The following SLC25A21 variants were observed in gnomAD, a reference collection of about 807,000 sequenced individuals.
The protein encoded by SLC25A21 is mitochondrial 2-oxodicarboxylate carrier.
A neutral mutation model predicts 43.8 loss-of-function variants in SLC25A21; 47 were observed. The observed-to-expected ratio is 1.07, with a 90% CI of 0.85 to 1.37. SLC25A21 has a LOEUF of 1.37. Ranked by LOEUF, SLC25A21 falls within the 40% of genes most tolerant of loss-of-function variation. SLC25A21 has a pLI of 0.00. For missense variants in SLC25A21, 352 were observed against 350.2 expected (o/e 1.00, Z -0.04); for synonymous variants, 131 against 121.3 (o/e 1.08, Z -0.52).
intron 3 of SLC25A21, among the ~76,000 whole-genome samples, chr14:36,810,881 A>AAAAG (rs796481898): frequency 2.1e-5 from 2 of 94,696 alleles, no homozygotes; most frequent in South Asian, 3.7e-4. Flanking sequence ...GTAGAGAAAG[A>AAAAG]AAAGAGTGGG....
chr14:37,015,852 C>G (rs1287227879), intron 1 of SLC25A21, among the ~76,000 whole-genome samples: 10 of 152,172 alleles, frequency 6.6e-5, no homozygotes, highest in Admixed American at 3.3e-4. Flanking sequence ...TTTGAGAAGT[C>G]TCTGTTCATC....
chr14:36,817,215 G>GAAA (rs11417899), intron 2 of SLC25A21, among the ~76,000 whole-genome samples: 4 of 150,946 alleles, frequency 2.6e-5, no homozygotes, highest in African/African-American at 9.7e-5. Context: ...AAAGAAATAT[G>GAAA]AAAAAAAAAC....
intron 1 of SLC25A21, among the ~76,000 whole-genome samples, chr14:36,935,542 A>C (rs1028817541): frequency 2.0e-5 from 3 of 152,194 alleles, no homozygotes; most frequent in Non-Finnish European, 2.9e-5. Flanking sequence ...TATCATGACT[A>C]TTTTTAGTGG....
chr14:36,860,004 T>G (rs1350073896), intron 2 of SLC25A21, among the ~76,000 whole-genome samples: 1 of 152,078 alleles, frequency 6.6e-6, no homozygotes, highest in Middle Eastern at 3.4e-3. Flanking sequence ...CATATATATA[T>G]CAATGAAGGA....
intron 1 of SLC25A21, among the ~76,000 whole-genome samples, chr14:36,955,924 G>C (rs1959329084): frequency 6.6e-6 from 1 of 152,068 alleles, no homozygotes; most frequent in Non-Finnish European, 1.5e-5. Flanking sequence ...AATAAACTTG[G>C]TACCAGATAT....
chr14:36,756,392 C>T (rs987126634), intron 3 of SLC25A21, among the ~76,000 whole-genome samples: 2 of 152,194 alleles, frequency 1.3e-5, no homozygotes, highest in African/African-American at 4.8e-5. Context: ...ATTGAAGATG[C>T]AAAGCGAGAA....
chr14:36,912,165 T>C (rs1311025572), intron 1 of SLC25A21, among the ~76,000 whole-genome samples: 1 of 152,240 alleles, frequency 6.6e-6, no homozygotes, highest in Non-Finnish European at 1.5e-5. Context: ...ATCTATTTCA[T>C]TAACTTTGCT....
intron 1 of SLC25A21, among the ~76,000 whole-genome samples, chr14:36,897,774 T>G (rs1891285796): frequency 6.6e-6 from 1 of 152,218 alleles, no homozygotes; most frequent in African/African-American, 2.4e-5. Flanking sequence ...CAGCTGCAGG[T>G]CTGTTGGAGT....
intron 1 of SLC25A21, among the ~76,000 whole-genome samples, chr14:37,158,193 A>G (rs1963882480): frequency 6.6e-6 from 1 of 152,210 alleles, no homozygotes; most frequent in Non-Finnish European, 1.5e-5. Context: ...AAACTATTGC[A>G]AAAAACTGAA....
At chr14:36,887,620 T>A (rs182762704) in intron 1 of SLC25A21, among the ~76,000 whole-genome samples, 13 of 149,314 alleles carry the variant, frequency 8.7e-5, no homozygotes, top group African/African-American at 2.5e-4. Context: ...CATTGGAAGG[T>A]CATTAAAATC....
At chr14:36,906,726 G>A (rs1594683931) in intron 1 of SLC25A21, among the ~76,000 whole-genome samples, 2 of 151,928 alleles carry the variant, frequency 1.3e-5, no homozygotes, top group Admixed American at 1.3e-4. Context: ...GGATGGTCTC[G>A]ATCTCCTGAC....
rs138591759 is a variant in SLC25A21, at chr14:37,114,169, G to C, written c.70+58112C>G. ...TACAATCAACGTGTGATGACAAATG[G>C]TCTCCGGGTTGGGTTTGCATTCCTC... On this transcript the variant is annotated intron_variant, in intron 1 of 9. Coordinates refer to ENST00000331299, the MANE Select transcript of SLC25A21 (RefSeq NM_030631.4). Among the ~76,000 whole-genome samples, 8 of 152,200 alleles carry C rather than the reference G, an allele frequency of 5.3e-5. No homozygotes were observed. In the East Asian group the frequency reaches 1.2e-3, roughly 22 times the overall value.
intron 3 of SLC25A21, among the ~76,000 whole-genome samples, chr14:36,810,400 A>C (rs1888198107): frequency 6.6e-6 from 1 of 152,194 alleles, no homozygotes; most frequent in Admixed American, 6.5e-5. Context: ...AGATCTCAGT[A>C]ATGCTGACAT....
chr14:36,788,126 A>T (rs1434173970), intron 3 of SLC25A21, among the ~76,000 whole-genome samples: 10 of 152,224 alleles, frequency 6.6e-5, no homozygotes, highest in Non-Finnish European at 1.5e-5. Context: ...AAGTCTGGAC[A>T]CATTTACAGC....
chr14:36,804,113 T>C (rs1887957422), intron 3 of SLC25A21, among the ~76,000 whole-genome samples: 1 of 152,168 alleles, frequency 6.6e-6, no homozygotes, highest in South Asian at 2.1e-4. Context: ...TCTGCATTCT[T>C]TGAGTATTGA....
Position 37,032,264 on chromosome 14 carries a change from G to A in SLC25A21, c.70+140017C>T, listed in dbSNP as rs557603108. 5.9e-5 allele frequency among the ~76,000 whole-genome samples: 9 copies of A among 152,172 alleles called. No individual in the cohort carries two copies. In the South Asian group the frequency reaches 6.2e-4, roughly 11 times the overall value. On this transcript the variant is annotated intron_variant, in intron 1 of 9. Coordinates refer to ENST00000331299, the MANE Select transcript of SLC25A21 (RefSeq NM_030631.4). ...TTAAAAATGAATCCAAGCTGGGCGC[G>A]GTGGCTCACGCTTGTAATCCTAGCA...
At chr14:36,763,473 A>G (rs1397124412) in intron 3 of SLC25A21, among the ~76,000 whole-genome samples, 1 of 152,210 alleles carries the variant, frequency 6.6e-6, no homozygotes, top group Non-Finnish European at 1.5e-5. Flanking sequence ...GAATGTTTTC[A>G]AAGAGAACTC....
At chr14:37,019,189 C>T (rs116668004) in intron 1 of SLC25A21, among the ~76,000 whole-genome samples, 1,620 of 152,034 alleles carry the variant, frequency 0.011, 29 homozygotes, top group African/African-American at 0.036. Flanking sequence ...CATCTCATGC[C>T]ATTGGTTCCT....
chr14:36,917,159 T>C (rs936675127), intron 1 of SLC25A21, among the ~76,000 whole-genome samples: 3 of 152,164 alleles, frequency 2.0e-5, no homozygotes, highest in East Asian at 1.9e-4. Flanking sequence ...ATACCTGATA[T>C]TACTGTTCCA....
Sources: gnomAD v4.1 joint callset for allele counts (sites outside exome capture counted in the v4.1 genomes callset) on GRCh38, gnomAD v4.1.1 for gene constraint, MANE v1.5 for transcripts, NCBI Gene and HGNC (gene_info 2026-07-23, HGNC 2026-07-21) for gene names.